Variants in DDI2 observed in about 807,000 individuals in gnomAD.
DDI2 encodes protein DDI1 homolog 2.
A neutral mutation model predicts 48.1 loss-of-function variants in DDI2; 5 were observed. The observed-to-expected ratio is 0.10, with a 90% CI of 0.05 to 0.22. The LOEUF is 0.22. DDI2 is among the 10% of genes least tolerant of loss of function. The probability of loss-of-function intolerance (pLI) is 1.00; values close to 1 mark genes in which losing one functional copy is unlikely to be tolerated. For missense variants in DDI2, 285 were observed against 506.2 expected, an observed-to-expected ratio of 0.56 and a Z score of 4.19; for synonymous variants, 205 against 183.6, an observed-to-expected ratio of 1.12 and a Z score of -0.94.
chr1:15,656,313 G>A (rs1640272927), intron 8 of DDI2: 1 of 911,186 alleles, frequency 1.1e-6, no homozygotes, highest in East Asian at 4.5e-5. Flanking sequence ...ATTCGATCAG[G>A]TGGATCTACT....
At chr1:15,644,587 GTTTTTTTTTTTTT>G (rs138470671) in intron 6 of DDI2, among the ~76,000 whole-genome samples, 4 of 57,808 alleles carry the variant, frequency 6.9e-5, no homozygotes, top group East Asian at 4.3e-4. Context: ...AGTTTTTTTT[GTTTTTTTTTTTTT>G]TTTTTTTTTT....
chr1:15,634,289 G>A (rs1353477637), intron 4 of DDI2: 1 of 152,784 alleles, frequency 6.5e-6, no homozygotes, highest in Non-Finnish European at 1.5e-5. Context: ...ATTCTGTTCA[G>A]TCATTCTCTG....
At chr1:15,638,075 A>AGT (rs1382508049) in intron 4 of DDI2, among the ~76,000 whole-genome samples, 2 of 152,190 alleles carry the variant, frequency 1.3e-5, no homozygotes, top group Non-Finnish European at 2.9e-5. Context: ...AAGGCGGCTT[A>AGT]GTGTTTTACA....
chr1:15,631,707 A>T (rs528170193), intron 3 of DDI2, among the ~76,000 whole-genome samples: 1 of 152,140 alleles, frequency 6.6e-6, no homozygotes, highest in South Asian at 2.1e-4. Context: ...TCCTCTCCTT[A>T]TAGGTTACTA....
intron 8 of DDI2, 40 bp from the exon 9 acceptor site, chr1:15,656,577 G>C (rs1235497064): frequency 6.2e-7 from 1 of 1,614,108 alleles, no homozygotes; most frequent in Admixed American, 1.7e-5. Context: ...GGTTTGCATT[G>C]TTAACCCAAG....
intron 6 of DDI2, among the ~76,000 whole-genome samples, chr1:15,645,867 C>CAAA (rs562840511): frequency 1.0e-4 from 10 of 95,714 alleles, no homozygotes; most frequent in Non-Finnish European, 1.5e-4. Context: ...GAACTCGTCT[C>CAAA]AAAAAAAAAA....
At chr1:15,628,221 G>A (rs1485345421) in intron 2 of DDI2, among the ~76,000 whole-genome samples, 2 of 152,030 alleles carry the variant, frequency 1.3e-5, no homozygotes, top group Admixed American at 1.3e-4. Flanking sequence ...AAAATTTCTT[G>A]ACCTGCAAAG....
intron 9 of DDI2, 60 bp downstream of exon 9, chr1:15,656,739 G>A (rs1420756779): frequency 1.2e-6 from 2 of 1,605,290 alleles, no homozygotes; most frequent in Non-Finnish European, 1.7e-6. Flanking sequence ...CTGACAGTCT[G>A]TATCCGCAGC....
intron 6 of DDI2, among the ~76,000 whole-genome samples, chr1:15,646,225 G>C (rs1359277326): frequency 6.6e-6 from 1 of 152,218 alleles, no homozygotes; most frequent in Non-Finnish European, 1.5e-5. Flanking sequence ...TTGCTGCTTT[G>C]GGTCCATCTC....
intron 4 of DDI2, among the ~76,000 whole-genome samples, chr1:15,636,608 A>G (rs1639933583): frequency 6.6e-6 from 1 of 152,126 alleles, no homozygotes; most frequent in Non-Finnish European, 1.5e-5. Flanking sequence ...AATAGCTGAG[A>G]CTACAGGCTT....
intron 1 of DDI2, among the ~76,000 whole-genome samples, chr1:15,625,067 G>C (rs1323203920): frequency 6.6e-6 from 1 of 152,192 alleles, no homozygotes; most frequent in Non-Finnish European, 1.5e-5. Flanking sequence ...TATAAATTCT[G>C]AGAGCAGATA....
Position 15,661,275 on chromosome 1 carries a change from G to T in DDI2, c.*1485G>T, listed in dbSNP as rs755821385. ...CCAAATCTAGGGAATCCATAAATAA[G>T]AACCGTTCTGTCACTGTAACCTCAG... On this transcript the variant is annotated 3_prime_UTR_variant, in exon 10 of 10. Transcript: ENST00000480945. The T allele has an allele frequency of 6.2e-7, 1 of 1,614,108 alleles. No homozygotes were observed. The highest frequency in any genetic ancestry group is 8.5e-7 in the Non-Finnish European group (1 of 1,180,010).
In DDI2 at chr1:15,617,644, C is replaced by G; in HGVS notation, c.-27C>G. On this transcript the variant is annotated 5_prime_UTR_variant, in exon 1 of 10. Coordinates refer to ENST00000480945, the MANE Select transcript of DDI2 (RefSeq NM_032341.5). ...GCCCCGCGCCCAGGCCGGGCCGAGC[C>G]GAGCCGAGCCGGGTCGGGCCCGGGC... 3 of 1,384,262 alleles carry G rather than the reference C, an allele frequency of 2.2e-6. No homozygotes were observed. Among genetic ancestry groups the G allele is most frequent in the Middle Eastern group, 2.4e-4 (1 of 4,190 alleles). The allele number at this position is 1,384,262 out of a possible 1,614,324, so 85.7% of individuals were successfully genotyped here.
At chr1:15,628,939 A>G (rs571564368) in intron 2 of DDI2, among the ~76,000 whole-genome samples, 2 of 152,346 alleles carry the variant, frequency 1.3e-5, no homozygotes, top group Admixed American at 6.5e-5. Flanking sequence ...AACATTTCAT[A>G]TAAATGGGGT....
chr1:15,664,509 G>C lies in DDI2; in HGVS notation c.*4719G>C, dbSNP rs1455479815. Reference sequence around the variant, plus strand: ...AAATTTAGCAGCTCTAGAATGCAAAGGGTATATTAAGGAGCATTACAATAG... The same window carrying C: ...AAATTTAGCAGCTCTAGAATGCAAACGGTATATTAAGGAGCATTACAATAG... On this transcript the variant is annotated 3_prime_UTR_variant, in exon 10 of 10. Transcript: ENST00000480945. 1 of 151,830 alleles carries C rather than the reference G, an allele frequency of 6.6e-6. No individual in the cohort carries two copies. The highest frequency in any genetic ancestry group is 1.5e-5 in the Non-Finnish European group (1 of 67,980). 9.4% of individuals were successfully genotyped at this position (151,830 alleles called of 1,614,324 possible). A position where few individuals can be genotyped will look rare whatever the true frequency, so the allele number is the denominator to read the frequency against.
chr1:15,625,175 T>C (rs186339575), intron 1 of DDI2, among the ~76,000 whole-genome samples: 7 of 152,324 alleles, frequency 4.6e-5, no homozygotes, highest in African/African-American at 1.7e-4. Context: ...AGAATGATAA[T>C]GTTAGCAGAG....
intron 8 of DDI2, among the ~76,000 whole-genome samples, chr1:15,653,558 A>G (rs1640226599): frequency 1.3e-5 from 2 of 152,128 alleles, no homozygotes; most frequent in African/African-American, 4.8e-5. Context: ...ATTAAAAAAA[A>G]AATTTTTTTT....
intron 8 of DDI2, 73 bp downstream of exon 8, chr1:15,651,968 G>T: frequency 1.4e-6 from 2 of 1,443,922 alleles, no homozygotes; most frequent in East Asian, 2.4e-5. Flanking sequence ...CTTCAGAAGG[G>T]GTAGGAACCT....
rs1640462497 is a variant in DDI2 at position 15,666,944 on chromosome 1, C to G, written c.*7154C>G. On this transcript the variant is annotated 3_prime_UTR_variant, in exon 10 of 10. Coordinates refer to ENST00000480945, the MANE Select transcript of DDI2 (RefSeq NM_032341.5). ...TATTTTTTTAGGCCAGGTGCGTTGG[C>G]TCACACCTGTAATCCCAGCACTTTG... 6.6e-6 allele frequency: 1 copy of G among 152,184 alleles called. No homozygotes were observed. Among genetic ancestry groups the G allele is most frequent in the Non-Finnish European group, 1.5e-5 (1 of 68,048 alleles). The allele number at this position is 152,184 out of a possible 1,614,324, so 9.4% of individuals were successfully genotyped here. A position where few individuals can be genotyped will look rare whatever the true frequency, so the allele number is the denominator to read the frequency against.
Sources: allele counts gnomAD v4.1 joint callset (sites outside exome capture counted in the v4.1 genomes callset), GRCh38; gene constraint gnomAD v4.1.1; transcripts MANE v1.5; gene names NCBI Gene and HGNC (gene_info 2026-07-23, HGNC 2026-07-21).